Variants in MORC1 observed in about 807,000 individuals in gnomAD.
MORC1 encodes the protein MORC family CW-type zinc finger protein 1.
A neutral mutation model predicts 134.9 loss-of-function variants in MORC1; 59 were observed. The ratio of observed to expected loss-of-function variants is 0.44; its 90% CI spans 0.35 to 0.54. MORC1 has a LOEUF of 0.54. MORC1 is among the 20% of genes least tolerant of loss of function. The probability of loss-of-function intolerance (pLI) is 0.00; values close to 1 mark genes in which losing one functional copy is unlikely to be tolerated. For missense variants in MORC1, 947 were observed against 1,134.5 expected (o/e 0.83, Z 2.37); for synonymous variants, 395 against 391.7 (o/e 1.01, Z -0.10).
At chr3:108,971,938 T>C (rs773630433) in intron 24 of MORC1, among the ~76,000 whole-genome samples, 4 of 152,186 alleles carry the variant, frequency 2.6e-5, no homozygotes, top group Non-Finnish European at 4.4e-5. Context: ...CTGTACCTAG[T>C]TGAGTGTTCT....
At chr3:108,960,330 C>T (rs760052590) in intron 27 of MORC1, among the ~76,000 whole-genome samples, 1 of 152,190 alleles carries the variant, frequency 6.6e-6, no homozygotes, top group Non-Finnish European at 1.5e-5. Flanking sequence ...GTGCCTAGAT[C>T]AGCTGCAGAC....
In MORC1 at chr3:109,000,559, G is replaced by A. The variant is rs756726636; in HGVS notation, c.2185C>T (p.Leu729=). ...DENTSDSDII[L]VSDKSNTDVS... ...ATTTAGTGTATAGTTTATCTCACCA[G>A]GATTATATCTGAATCACTCGTGTTC... is the stretch of plus-strand genomic sequence containing the variant. The change falls in exon 21 of 28, where the codon CTG becomes TTG. Residue 729 remains leucine, a splice_region_variant and synonymous_variant. Transcript: ENST00000232603. 6.3e-7 allele frequency: 1 copy of A among 1,596,694 alleles called. No homozygotes were observed. Among genetic ancestry groups the A allele is most frequent in the Non-Finnish European group, 8.5e-7 (1 of 1,170,004 alleles).
intron 14 of MORC1, among the ~76,000 whole-genome samples, chr3:109,040,403 A>AAAGAAAGAAAGAGAGAGAAGGAAG (rs1553753628): frequency 7.4e-5 from 1 of 13,572 alleles, no homozygotes; most frequent in Non-Finnish European, 1.8e-4. Context: ...AGAAAGAAAG[A>AAAGAAAGAAAGAGAGAGAAGGAAG]GAAGGAAGGA....
intron 6 of MORC1, among the ~76,000 whole-genome samples, chr3:109,097,034 C>T (rs1336136337): frequency 2.0e-5 from 3 of 152,066 alleles, no homozygotes; most frequent in East Asian, 3.9e-4. Context: ...AAGAAACTAT[C>T]CCAGAATTGA....
chr3:109,049,023 CT>C (rs1208280311), intron 14 of MORC1: 1 of 464,772 alleles, frequency 2.2e-6, no homozygotes, highest in African/African-American at 2.1e-5. Flanking sequence ...TACATAAAAT[CT>C]TTAACTTCAA....
chr3:109,027,999 A>G (rs1949126841), intron 16 of MORC1, 110 bp from the exon 17 acceptor site: 4 of 1,180,984 alleles, frequency 3.4e-6, no homozygotes, highest in Admixed American at 2.9e-5. Flanking sequence ...TCATATATCC[A>G]AAATTCAAAT....
At chr3:109,081,460 T>C (rs1274120084) in intron 8 of MORC1, among the ~76,000 whole-genome samples, 1 of 149,568 alleles carries the variant, frequency 6.7e-6, no homozygotes, top group South Asian at 2.1e-4. Flanking sequence ...AAACTTTTTT[T>C]TTTTTTTTTT....
chr3:109,049,413 G>C (rs1949769053), intron 14 of MORC1, among the ~76,000 whole-genome samples: 1 of 152,196 alleles, frequency 6.6e-6, no homozygotes. Context: ...GGAGATCACT[G>C]ATAGAAGGCC....
In MORC1 at chr3:109,100,436, A is replaced by G; in HGVS notation, c.295T>C (p.Tyr99His). The stretch of plus-strand genomic sequence containing the variant: ...TCTCACCTTTTAAGACCATTGCCGT[A>G]TTGCCCTATGAACTTCAAGGTTGAC... Reference protein sequence around the residue: ...RLSTLKFIGQYGNGLKSGSMR... With the variant: ...RLSTLKFIGQHGNGLKSGSMR... The change falls in exon 5 of 28, where the codon TAC (tyrosine) becomes CAC (histidine). Residue 99 changes from tyrosine to histidine, a missense_variant. Tyr to His is a moderately conservative substitution (Grantham distance 83, BLOSUM62 2). Coordinates refer to ENST00000232603, the MANE Select transcript of MORC1 (RefSeq NM_014429.4). The G allele has an allele frequency of 1.2e-6, 2 of 1,612,912 alleles. No individual in the cohort carries two copies. Among genetic ancestry groups the G allele is most frequent in the Non-Finnish European group, 1.7e-6 (2 of 1,178,956 alleles).
At chr3:109,075,004 G>A (rs1437334880) in intron 8 of MORC1, among the ~76,000 whole-genome samples, 1 of 152,086 alleles carries the variant, frequency 6.6e-6, no homozygotes, top group African/African-American at 2.4e-5. Flanking sequence ...GTCACTCGAT[G>A]GCATATCAAC....
intron 9 of MORC1, among the ~76,000 whole-genome samples, chr3:109,065,632 AT>A (rs1194039632): frequency 6.6e-6 from 1 of 152,206 alleles, no homozygotes; most frequent in African/African-American, 2.4e-5. Context: ...GAAGTCAGCC[AT>A]TATGTCATGA....
chr3:109,068,950 G>A (rs2107704367), intron 9 of MORC1, among the ~76,000 whole-genome samples: 2 of 152,348 alleles, frequency 1.3e-5, no homozygotes, highest in African/African-American at 4.8e-5. Flanking sequence ...GAGGTCAGGA[G>A]TTTGAGACCA....
Position 109,059,751 on chromosome 3 carries a change from A to C in MORC1, c.1031+55T>G, listed in dbSNP as rs755485838. ...TAAATCTGCCTACTTAGAAACCAGA[A>C]TTTGTTTTAACAGAGTACAGAGGAT... is the stretch of plus-strand genomic sequence containing the variant. On this transcript the variant is annotated intron_variant, in intron 12 of 27. Coordinates refer to ENST00000232603, the MANE Select transcript of MORC1 (RefSeq NM_014429.4). The C allele has an allele frequency of 4.0e-6, 6 of 1,500,446 alleles. 1 individual carries two copies. The highest frequency in any genetic ancestry group is 2.5e-5 in the South Asian group (2 of 81,062). 92.9% of individuals were successfully genotyped at this position (1,500,446 alleles called of 1,614,324 possible).
chr3:109,011,762 C>T (rs1948691181), intron 17 of MORC1, among the ~76,000 whole-genome samples: 1 of 152,154 alleles, frequency 6.6e-6, no homozygotes, highest in Non-Finnish European at 1.5e-5. Flanking sequence ...GTCAGGTGAT[C>T]CGCCCACCTT....
intron 9 of MORC1, among the ~76,000 whole-genome samples, chr3:109,066,492 G>A (rs1950199152): frequency 6.6e-6 from 1 of 152,040 alleles, no homozygotes; most frequent in Non-Finnish European, 1.5e-5. Flanking sequence ...TCACCTTCTT[G>A]GCCAGGCTGG....
chr3:109,033,286 G>GGA (rs1949281949), intron 15 of MORC1, among the ~76,000 whole-genome samples: 1 of 136,918 alleles, frequency 7.3e-6, no homozygotes, highest in African/African-American at 2.9e-5. Flanking sequence ...AGCAAGAAAG[G>GGA]AGGAAGGAAG....
chr3:109,116,030 G>A (rs1951266644), intron 1 of MORC1, among the ~76,000 whole-genome samples: 1 of 152,158 alleles, frequency 6.6e-6, no homozygotes, highest in Non-Finnish European at 1.5e-5. Flanking sequence ...GACCCTCGAA[G>A]CAGAAAAAGA....
chr3:109,019,118 ATCT>A (rs1019922305), intron 17 of MORC1: 3 of 152,296 alleles, frequency 2.0e-5, no homozygotes, highest in South Asian at 2.1e-4. Context: ...TACAGTCTTA[ATCT>A]TCTTCTTTTC....
intron 6 of MORC1, among the ~76,000 whole-genome samples, chr3:109,096,695 T>A (rs916350360): frequency 6.6e-6 from 1 of 152,214 alleles, no homozygotes; most frequent in African/African-American, 2.4e-5. Context: ...CTGCTCTGCC[T>A]ATGGAGTAAT....
Sources: allele counts gnomAD v4.1 joint callset (sites outside exome capture counted in the v4.1 genomes callset), GRCh38; gene constraint gnomAD v4.1.1; transcripts MANE v1.5; gene names NCBI Gene and HGNC (gene_info 2026-07-23, HGNC 2026-07-21).